TUSC3: variants seen among roughly 807,000 people sequenced by gnomAD.
TUSC3 encodes dolichyl-diphosphooligosaccharide--protein glycosyltransferase subunit TUSC3.
Under a neutral mutation model 44.8 loss-of-function variants are expected in TUSC3, and 45 were observed. That is an observed-to-expected ratio of 1.00 (90% confidence interval 0.79 to 1.29). The LOEUF (loss-of-function observed/expected upper bound fraction) is 1.29, where lower values mean the gene tolerates loss of function less well. TUSC3 is among the 50% of genes most tolerant of loss of function. The pLI is 0.00. For synonymous variants in TUSC3, 212 were observed against 152.9 expected (o/e 1.39, Z -2.85); for missense variants, 519 against 437.9 (o/e 1.19, Z -1.65).
intron 2 of TUSC3, among the ~76,000 whole-genome samples, chr8:15,502,569 C>T (rs751249169): frequency 6.6e-6 from 1 of 152,214 alleles, no homozygotes; most frequent in African/African-American, 2.4e-5. Flanking sequence ...CCGCTCACTG[C>T]AAGCTCCACC....
intron 7 of TUSC3, among the ~76,000 whole-genome samples, chr8:15,734,051 A>G (rs1273679849): frequency 6.6e-6 from 1 of 152,216 alleles, no homozygotes; most frequent in Non-Finnish European, 1.5e-5. Flanking sequence ...TCCAAAAAAG[A>G]AGTTATTTTT....
intron 1 of TUSC3, among the ~76,000 whole-genome samples, chr8:15,458,892 C>T (rs1800301146): frequency 6.6e-6 from 1 of 152,168 alleles, no homozygotes; most frequent in Non-Finnish European, 1.5e-5. Context: ...AATATGTAAG[C>T]TCCTCTACTT....
chr8:15,689,963 A>G (rs748613064), intron 6 of TUSC3, among the ~76,000 whole-genome samples: 5 of 151,838 alleles, frequency 3.3e-5, no homozygotes, highest in Non-Finnish European at 5.9e-5. Flanking sequence ...GAATAGTGCT[A>G]TGATGCACAT....
chr8:15,445,571 C>T (rs541929537), intron 1 of TUSC3, among the ~76,000 whole-genome samples: 61 of 152,228 alleles, frequency 4.0e-4, no homozygotes, highest in African/African-American at 9.9e-4. Context: ...CATCTTGCAC[C>T]GCCCTTAATC....
chr8:15,749,607 TGA>T (rs1009421834), intron 9 of TUSC3, among the ~76,000 whole-genome samples: 1 of 151,896 alleles, frequency 6.6e-6, no homozygotes, highest in African/African-American at 2.4e-5. Flanking sequence ...GCAAGGGTTA[TGA>T]GAGAGGCAAG....
chr8:15,809,053 C>G, the TUSC3 span, among the ~76,000 whole-genome samples: 1 of 152,080 alleles, frequency 6.6e-6, no homozygotes, highest in African/African-American at 2.4e-5. Flanking sequence ...GGAGGAAAAG[C>G]ACGTTTATTC....
intron 8 of TUSC3, among the ~76,000 whole-genome samples, chr8:15,747,635 A>G (rs1296990875): frequency 6.6e-6 from 1 of 152,082 alleles, no homozygotes; most frequent in African/African-American, 2.4e-5. Flanking sequence ...TCTCAATCAT[A>G]CTAAAAAGGA....
chr8:15,674,172 A>G (rs187215533), intron 6 of TUSC3, among the ~76,000 whole-genome samples: 13 of 152,170 alleles, frequency 8.5e-5, no homozygotes, highest in Non-Finnish European at 1.0e-4. Context: ...TTTATAGCCA[A>G]TGTCCCTCCC....
intron 6 of TUSC3, among the ~76,000 whole-genome samples, chr8:15,699,137 C>A (rs1809292176): frequency 6.6e-6 from 1 of 152,128 alleles, no homozygotes; most frequent in Admixed American, 6.6e-5. Flanking sequence ...GGTGAGCCAA[C>A]CATGTGCAGC....
chr8:15,581,945 G>T (rs1436588302), intron 1 of TUSC3, among the ~76,000 whole-genome samples: 1 of 150,046 alleles, frequency 6.7e-6, no homozygotes, highest in Admixed American at 6.6e-5. Flanking sequence ...AGACTGCTGT[G>T]CTAGCAGTCA....
the TUSC3 span, among the ~76,000 whole-genome samples, chr8:15,827,967 C>T: frequency 6.6e-6 from 1 of 151,008 alleles, no homozygotes; most frequent in African/African-American, 2.4e-5. Context: ...TCCTAACACC[C>T]CAGAAAACTA....
chr8:15,725,603 C>CTGATGA (rs56849270), intron 6 of TUSC3, among the ~76,000 whole-genome samples: 41,471 of 151,224 alleles, frequency 0.27, 6,272 homozygotes, highest in Admixed American at 0.38. Context: ...TCTTAGATGA[C>CTGATGA]TGATGATGAT....
intron 2 of TUSC3, among the ~76,000 whole-genome samples, chr8:15,631,744 C>T (rs1163858006): frequency 6.6e-6 from 1 of 151,642 alleles, no homozygotes; most frequent in African/African-American, 2.4e-5. Context: ...CTTGCTGTGT[C>T]ACCCAGGCTG....
At chr8:15,789,903 G>A in the TUSC3 span, among the ~76,000 whole-genome samples, 1 of 152,130 alleles carries the variant, frequency 6.6e-6, no homozygotes, top group Non-Finnish European at 1.5e-5. Context: ...GGCTGTCAGG[G>A]TTCTTGACTC....
chr8:15,524,038 G>C (rs1801340096), intron 2 of TUSC3, among the ~76,000 whole-genome samples: 1 of 136,874 alleles, frequency 7.3e-6, no homozygotes, highest in African/African-American at 2.8e-5. Context: ...CTTGGCAACA[G>C]ACAGAGTGAC....
chr8:15,645,323 A>T lies in TUSC3; in HGVS notation c.309-5374A>T, dbSNP rs562003420. 3.3e-5 allele frequency among the ~76,000 whole-genome samples: 5 copies of T among 152,254 alleles called. No individual in the cohort carries two copies. The South Asian group carries it at 1.0e-3, about 32-fold the overall frequency. On this transcript the variant is annotated intron_variant, in intron 2 of 10. Transcript: ENST00000503731. ...CTTGAACACAGAATACACATTCCAG[A>T]CAGGGTAGTCTTTGTTTATACTGTT... is the stretch of plus-strand genomic sequence containing the variant.
the TUSC3 span, among the ~76,000 whole-genome samples, chr8:15,792,016 C>A: frequency 6.6e-6 from 1 of 152,000 alleles, no homozygotes; most frequent in Non-Finnish European, 1.5e-5. Context: ...TAAAAAAAAG[C>A]CACAGACATG....
chr8:15,493,736 A>G (rs1237849899), intron 2 of TUSC3, among the ~76,000 whole-genome samples: 1 of 152,234 alleles, frequency 6.6e-6, no homozygotes, highest in African/African-American at 2.4e-5. Context: ...AAGCTAACTT[A>G]AGAATCAAGT....
chr8:15,571,691 T>C (rs956746697), intron 1 of TUSC3, among the ~76,000 whole-genome samples: 4 of 152,136 alleles, frequency 2.6e-5, no homozygotes, highest in African/African-American at 9.7e-5. Context: ...CTCTGTTGCA[T>C]GGAATGCTGT....
Sources: allele counts gnomAD v4.1 joint callset (sites outside exome capture counted in the v4.1 genomes callset), GRCh38; gene constraint gnomAD v4.1.1; transcripts MANE v1.5; gene names NCBI Gene and HGNC (gene_info 2026-07-23, HGNC 2026-07-21).